The following OTOP1 variants were observed in gnomAD, a reference collection of about 807,000 sequenced individuals.
OTOP1 encodes the protein proton channel OTOP1.
In OTOP1, 59 loss-of-function variants were observed where a neutral mutation model predicts 52.9. The observed-to-expected ratio is 1.12, with a 90% CI of 0.91 to 1.39. OTOP1 has a LOEUF of 1.39. OTOP1 is among the 40% of genes most tolerant of loss of function. The probability of loss-of-function intolerance (pLI) is 0.00; values close to 1 mark genes in which losing one functional copy is unlikely to be tolerated. For synonymous variants in OTOP1, 317 were observed against 337.7 expected (o/e 0.94, Z 0.67); for missense variants, 761 against 800.9 (o/e 0.95, Z 0.60).
chr4:4,207,107 C>T (rs1716921786), intron 2 of OTOP1, among the ~76,000 whole-genome samples: 3 of 152,160 alleles, frequency 2.0e-5, no homozygotes, highest in Admixed American at 2.0e-4. Flanking sequence ...CACATATCAC[C>T]TCTTTCACAT....
intron 3 of OTOP1, 59 bp from the exon 4 acceptor site, chr4:4,202,637 G>A: frequency 6.3e-7 from 1 of 1,598,302 alleles, no homozygotes; most frequent in Non-Finnish European, 8.6e-7. Flanking sequence ...GGCACCATGG[G>A]GTGAGACAGA....
At chr4:4,204,082 T>C (rs1398533059) in intron 3 of OTOP1, among the ~76,000 whole-genome samples, 1 of 152,138 alleles carries the variant, frequency 6.6e-6, no homozygotes, top group Non-Finnish European at 1.5e-5. Flanking sequence ...TGCAACCGCA[T>C]CCTCAACCTT....
intron 1 of OTOP1, among the ~76,000 whole-genome samples, chr4:4,224,221 C>G (rs1717370585): frequency 6.6e-6 from 1 of 151,890 alleles, no homozygotes; most frequent in Non-Finnish European, 1.5e-5. Flanking sequence ...GTTGCAGGCG[C>G]CTATAATCCC....
At chr4:4,206,365 G>C (rs186757855) in intron 2 of OTOP1, among the ~76,000 whole-genome samples, 8 of 152,182 alleles carry the variant, frequency 5.3e-5, no homozygotes, top group Non-Finnish European at 7.3e-5. Context: ...TGCTGCAATT[G>C]ATTAAGGATG....
chr4:4,197,412 A>C lies in OTOP1; in HGVS notation c.1422T>G (p.Leu474=). 6.2e-7 allele frequency: 1 copy of C among 1,613,968 alleles called. No individual in the cohort carries two copies. The highest frequency in any genetic ancestry group is 8.5e-7 in the Non-Finnish European group (1 of 1,180,014). The change falls in exon 5 of 6, where the codon CTT becomes CTG. Residue 474 remains leucine (L), a synonymous_variant. Coordinates refer to ENST00000296358, the MANE Select transcript of OTOP1 (RefSeq NM_177998.3). Reference sequence around the variant, plus strand: ...CTCCACTCTTGGGGCAGGAAGAAGCAAGGGGCATGGTGTTGCCATTGCAGA... The same window carrying C: ...CTCCACTCTTGGGGCAGGAAGAAGCCAGGGGCATGGTGTTGCCATTGCAGA... ...VTVCNGNTMP[L]ASSCPKSGGV...
intron 2 of OTOP1, among the ~76,000 whole-genome samples, chr4:4,208,176 G>A (rs549004591): frequency 3.4e-4 from 52 of 152,324 alleles, no homozygotes; most frequent in African/African-American, 1.2e-3. Context: ...CATTTACATT[G>A]TGAGGGTGAA....
At chr4:4,213,947 T>C (rs1165479573) in intron 1 of OTOP1, among the ~76,000 whole-genome samples, 2 of 152,052 alleles carry the variant, frequency 1.3e-5, no homozygotes, top group Non-Finnish European at 1.5e-5. Context: ...AAATTAGCCT[T>C]GGTATGGTGG....
At chr4:4,205,290 A>G (rs1376686375) in intron 3 of OTOP1, among the ~76,000 whole-genome samples, 1 of 152,172 alleles carries the variant, frequency 6.6e-6, no homozygotes, top group Non-Finnish European at 1.5e-5. Flanking sequence ...TCTGAAAGAA[A>G]CAAATAGATT....
At chr4:4,219,787 A>G (rs1717236332) in intron 1 of OTOP1, among the ~76,000 whole-genome samples, 1 of 149,474 alleles carries the variant, frequency 6.7e-6, no homozygotes, top group Non-Finnish European at 1.5e-5. Flanking sequence ...ATATGCACAT[A>G]TATATGTATA....
At chr4:4,216,424 C>T (rs973355069) in intron 1 of OTOP1, among the ~76,000 whole-genome samples, 3 of 152,054 alleles carry the variant, frequency 2.0e-5, no homozygotes, top group African/African-American at 7.2e-5. Flanking sequence ...TTGCTCCTAC[C>T]GACAGGAGGA....
rs753385035 is a variant in OTOP1, at chr4:4,198,092, G to C, written c.742C>G (p.His248Asp). 12 of 1,612,714 alleles carry C rather than the reference G, an allele frequency of 7.4e-6. No homozygotes were observed. Among genetic ancestry groups the C allele is most frequent in the Non-Finnish European group, 1.0e-5 (12 of 1,178,918 alleles). ...GGCGTGCAGTTACACTGCGGTGTGT[G>C]GTCATCTAAAACTAGGGGAGACAGG... ...FGNITTVLDD[H>D]TPQCNCTPPT... Residue 248 changes from histidine to aspartate, a missense_variant, in exon 5 of 6, where the codon CAC becomes GAC. Physicochemically the swap from His to Asp is moderately conservative, Grantham distance 81 (BLOSUM62 -1). This residue lies in a region of OTOP1 where 632 missense variants were observed against 619.5 expected (regional missense o/e 1.02). Coordinates refer to ENST00000296358, the MANE Select transcript of OTOP1 (RefSeq NM_177998.3).
rs1445407921 is a variant in OTOP1, at chr4:4,206,121, G to T, written c.550C>A (p.Leu184Ile). The T allele has an allele frequency of 1.2e-6, 2 of 1,604,510 alleles. No homozygotes were observed. The highest frequency in any genetic ancestry group is 1.7e-6 in the Non-Finnish European group (2 of 1,171,830). Residue 184 changes from leucine to isoleucine, a missense_variant, in exon 3 of 6, where the codon CTT becomes ATT. This residue lies in a region of OTOP1 where 632 missense variants were observed against 619.5 expected (regional missense o/e 1.02). Coordinates refer to ENST00000296358, the MANE Select transcript of OTOP1 (RefSeq NM_177998.3). ...SVHTLLQVYF[L>I]WGHAKDIIQS... ...ATAATATCCTTTGCATGCCCCCAAAGAAAATATACCTAGATGGAAATAAAG... is the reference window on the plus strand; with the variant it reads ...ATAATATCCTTTGCATGCCCCCAAATAAAATATACCTAGATGGAAATAAAG...
intron 1 of OTOP1, among the ~76,000 whole-genome samples, chr4:4,218,542 T>C (rs1035867098): frequency 4.0e-5 from 6 of 151,526 alleles, no homozygotes; most frequent in African/African-American, 1.5e-4. Flanking sequence ...TCCCATTAGG[T>C]AGAGAGGAAG....
chr4:4,189,253 C>A (rs1287479787), intron 5 of OTOP1, among the ~76,000 whole-genome samples: 1 of 152,216 alleles, frequency 6.6e-6, no homozygotes, highest in Non-Finnish European at 1.5e-5. Context: ...TCCCTACAGC[C>A]CTCGCCCAGC....
chr4:4,191,299 C>A (rs1716499186), intron 5 of OTOP1, among the ~76,000 whole-genome samples: 1 of 152,184 alleles, frequency 6.6e-6, no homozygotes, highest in South Asian at 2.1e-4. Flanking sequence ...TGGCGGTGGC[C>A]CCCTGCCTGG....
Position 4,210,443 on chromosome 4 carries a change from G to A in OTOP1, c.540+2425C>T, listed in dbSNP as rs1392921561. Among the ~76,000 whole-genome samples, 4 of 152,104 alleles carry A rather than the reference G, an allele frequency of 2.6e-5. No individual in the cohort carries two copies. The East Asian group carries it at 5.8e-4, about 22-fold the overall frequency. ...GATCAAGGTGTTGGTTCCTTTTGAG[G>A]CCTCTCTCTTTGGCTTGTAGATGGT... is the stretch of plus-strand genomic sequence containing the variant. On this transcript the variant is annotated intron_variant, in intron 2 of 5. Transcript: ENST00000296358.
chr4:4,224,678 C>T (rs1242434058), intron 1 of OTOP1, among the ~76,000 whole-genome samples: 5 of 152,206 alleles, frequency 3.3e-5, no homozygotes, highest in East Asian at 1.9e-4. Context: ...ATTTGGGCCA[C>T]GCTGCAATGG....
intron 1 of OTOP1, among the ~76,000 whole-genome samples, chr4:4,226,151 G>C (rs932669937): frequency 2.6e-5 from 4 of 152,206 alleles, no homozygotes; most frequent in Non-Finnish European, 5.9e-5. Flanking sequence ...GAGGGAGCGT[G>C]GCCTCCATCA....
chr4:4,218,717 C>G (rs28671525), intron 1 of OTOP1, among the ~76,000 whole-genome samples: 3,527 of 152,184 alleles, frequency 0.023, 118 homozygotes, highest in African/African-American at 0.077. Flanking sequence ...CACTTGAGGT[C>G]AGGAGTTCGA....
Sources: gnomAD v4.1 joint callset for allele counts (sites outside exome capture counted in the v4.1 genomes callset) on GRCh38, gnomAD v4.1.1 for gene constraint, gnomAD v4.1.1 regional missense constraint, MANE v1.5 for transcripts, NCBI Gene and HGNC (gene_info 2026-07-23, HGNC 2026-07-21) for gene names.